The following ACTR3C variants were observed in gnomAD, a reference collection of about 807,000 sequenced individuals.
ACTR3C encodes actin-related protein 3C.
A neutral mutation model predicts 26.3 loss-of-function variants in ACTR3C; 18 were observed. That is an observed-to-expected ratio of 0.68 (90% CI 0.47 to 1.01). ACTR3C has a LOEUF of 1.01. Ranked by LOEUF, ACTR3C falls within the 50% of genes least tolerant of loss-of-function variation. The pLI, the probability that ACTR3C is intolerant of heterozygous loss-of-function variation, is 0.00. For synonymous variants in ACTR3C, 55 were observed against 94.5 expected (o/e 0.58, Z 2.42); for missense variants, 184 against 250.7 (o/e 0.73, Z 1.80).
At chr7:150,221,970 C>T in the ACTR3C span, among the ~76,000 whole-genome samples, 1 of 140,870 alleles carries the variant, frequency 7.1e-6, no homozygotes, top group Non-Finnish European at 1.5e-5. Context: ...TGCACTCCAG[C>T]CTGGGCAACA....
the ACTR3C span, among the ~76,000 whole-genome samples, chr7:150,181,880 T>C: frequency 3.5e-4 from 53 of 150,614 alleles, 3 homozygotes; most frequent in African/African-American, 1.3e-3. Flanking sequence ...TGGATCCCCT[T>C]GTGCCAGACC....
intron 4 of ACTR3C, among the ~76,000 whole-genome samples, chr7:150,287,977 T>G (rs2531062): frequency 0.082 from 10,404 of 126,330 alleles, 809 homozygotes; most frequent in South Asian, 0.18. Flanking sequence ...TGCTGCAAGG[T>G]TGGTGTGCTC....
the ACTR3C span, among the ~76,000 whole-genome samples, chr7:150,038,745 G>A: frequency 7.1e-6 from 1 of 140,424 alleles, no homozygotes; most frequent in East Asian, 2.1e-4. Flanking sequence ...AGCAACGATG[G>A]GGGGGTCCTA....
chr7:150,289,239 C>G (rs1836023429), intron 4 of ACTR3C, among the ~76,000 whole-genome samples: 1 of 151,928 alleles, frequency 6.6e-6, no homozygotes, highest in Admixed American at 6.5e-5. Context: ...CCAAGCTGTT[C>G]TCAGTGACAG....
the ACTR3C span, among the ~76,000 whole-genome samples, chr7:150,143,784 C>T: frequency 2.6e-5 from 4 of 152,352 alleles, no homozygotes; most frequent in African/African-American, 9.6e-5. Flanking sequence ...CCACCTGCAA[C>T]CCCGACTCTT....
At chr7:150,182,504 C>G in the ACTR3C span, among the ~76,000 whole-genome samples, 4 of 150,644 alleles carry the variant, frequency 2.7e-5, no homozygotes, top group Non-Finnish European at 5.9e-5. Context: ...TAAAATTCAG[C>G]TTTATGAAGA....
the ACTR3C span, among the ~76,000 whole-genome samples, chr7:150,048,071 C>T: frequency 2.0e-5 from 3 of 152,178 alleles, no homozygotes; most frequent in East Asian, 1.9e-4. Flanking sequence ...GCCCCCTCCC[C>T]GGCGGCTCGC....
chr7:149,993,571 C>A, the ACTR3C span, among the ~76,000 whole-genome samples: 4 of 152,030 alleles, frequency 2.6e-5, no homozygotes, highest in Non-Finnish European at 4.4e-5. Context: ...AGGAACAGGA[C>A]AGAAGGAAGA....
chr7:150,259,273 A>AAAG (rs1554452674), intron 6 of ACTR3C, among the ~76,000 whole-genome samples: 16,171 of 148,360 alleles, frequency 0.11, 1,552 homozygotes, highest in African/African-American at 0.24. Flanking sequence ...AGAAGAAAGA[A>AAAG]AAAGAAAGAA....
downstream of ACTR3C, chr7:150,245,839 AG>A (rs1378841385): frequency 6.6e-6 from 1 of 152,230 alleles, no homozygotes; most frequent in African/African-American, 2.4e-5. Flanking sequence ...ACAGAGGAAA[AG>A]TGACTTGGAT....
At chr7:150,077,373 C>G in the ACTR3C span, among the ~76,000 whole-genome samples, 1 of 150,022 alleles carries the variant, frequency 6.7e-6, no homozygotes, top group African/African-American at 2.5e-5. Flanking sequence ...TATTCACCTT[C>G]TATTAGGTTA....
chr7:150,017,857 GA>G, the ACTR3C span, among the ~76,000 whole-genome samples: 12 of 150,400 alleles, frequency 8.0e-5, no homozygotes, highest in Non-Finnish European at 1.3e-4. Flanking sequence ...TTTTCAGGGT[GA>G]ATCTCTTCCC....
the ACTR3C span, among the ~76,000 whole-genome samples, chr7:150,023,140 T>G: frequency 1.3e-3 from 88 of 68,636 alleles, no homozygotes; most frequent in Non-Finnish European, 2.2e-3. Flanking sequence ...TATACATATA[T>G]ATAGATATCT....
the ACTR3C span, among the ~76,000 whole-genome samples, chr7:150,058,686 G>A: frequency 6.6e-6 from 1 of 152,178 alleles, no homozygotes; most frequent in Non-Finnish European, 1.5e-5. Flanking sequence ...GGAGGCCAAG[G>A]TGGGTGGATC....
At chr7:150,185,276 CGTGTGTGTGTGTGT>C in the ACTR3C span, among the ~76,000 whole-genome samples, 39 of 140,954 alleles carry the variant, frequency 2.8e-4, no homozygotes, top group Non-Finnish European at 4.6e-4. Context: ...AAATGTCAGG[CGTGTGTGTGTGTGT>C]GTGTGTGTGT....
chr7:150,295,448 T>C (rs1489805201), intron 1 of ACTR3C, 101 bp from the exon 2 acceptor site: 11 of 1,201,248 alleles, frequency 9.2e-6, no homozygotes, highest in Non-Finnish European at 1.3e-5. Context: ...GCGAGGACAT[T>C]ATACAATTCC....
chr7:149,983,270 G>T, the ACTR3C span, among the ~76,000 whole-genome samples: 2 of 151,682 alleles, frequency 1.3e-5, no homozygotes, highest in Admixed American at 1.3e-4. Flanking sequence ...ATCTTGAAAA[G>T]GCATTTCTTC....
the ACTR3C span, among the ~76,000 whole-genome samples, chr7:150,209,354 T>C: frequency 1.3e-5 from 2 of 150,538 alleles, no homozygotes; most frequent in Non-Finnish European, 2.9e-5. Context: ...GGGAAATATT[T>C]GCAGAAATAG....
the ACTR3C span, among the ~76,000 whole-genome samples, chr7:149,907,482 C>CTCT: frequency 1.3e-5 from 1 of 75,768 alleles, no homozygotes; most frequent in African/African-American, 4.5e-5. Flanking sequence ...CTTCTCTTCT[C>CTCT]TCTCTCTCTC....
Sources: gnomAD v4.1 joint callset for allele counts (sites outside exome capture counted in the v4.1 genomes callset) on GRCh38, gnomAD v4.1.1 for gene constraint, MANE v1.5 for transcripts, NCBI Gene and HGNC (gene_info 2026-07-23, HGNC 2026-07-21) for gene names.